The following USP40 variants were observed in gnomAD, a reference collection of about 807,000 sequenced individuals.
USP40 encodes ubiquitin specific peptidase 40.
USP40 carries 143 observed loss-of-function variants against 166.2 expected under a neutral mutation model. The ratio of observed to expected loss-of-function variants is 0.86; its 90% CI spans 0.75 to 0.99. The LOEUF is 0.99. Among genes scored for constraint, USP40 ranks in the 50% least tolerant of loss-of-function variants. The probability of loss-of-function intolerance (pLI) is 0.00; values close to 1 mark genes in which losing one functional copy is unlikely to be tolerated. For synonymous variants in USP40, 498 were observed against 524.0 expected (o/e 0.95, Z 0.68); for missense variants, 1,444 against 1,479.7 (o/e 0.98, Z 0.40).
chr2:233,477,988 C>T (rs929799303), intron 31 of USP40, among the ~76,000 whole-genome samples: 3 of 152,218 alleles, frequency 2.0e-5, no homozygotes, highest in Admixed American at 1.3e-4. Context: ...CCCATGGCAC[C>T]GTGCGGCAGG....
At chr2:233,533,447 T>G (rs922712970) in intron 11 of USP40, 32 bp downstream of exon 11, 2 of 1,584,560 alleles carry the variant, frequency 1.3e-6, no homozygotes, top group African/African-American at 2.7e-5. Flanking sequence ...AGCCATTAAC[T>G]GAAACAAATA....
At chr2:233,515,746 T>C (rs2067145524) in intron 18 of USP40, among the ~76,000 whole-genome samples, 1 of 152,218 alleles carries the variant, frequency 6.6e-6, no homozygotes, top group African/African-American at 2.4e-5. Context: ...CTATCTTTAA[T>C]ACAAAAACCT....
chr2:233,491,277 G>A lies in USP40; in HGVS notation c.2918-16C>T, dbSNP rs79509576. ...CCAGAAGCACCTTCCAAAGGACAGA[G>A]CGGGATGTTTACAAGGAACTTGAAA... On this transcript the variant is annotated splice_polypyrimidine_tract_variant and intron_variant, in intron 25 of 31. Transcript: ENST00000678225. 5.7e-4 allele frequency: 905 copies of A among 1,585,176 alleles called. 7 individuals carry two copies. The African/African-American group carries it at 0.011, about 19-fold the overall frequency.
At chr2:233,536,573 C>T (rs918164696) in intron 10 of USP40, among the ~76,000 whole-genome samples, 6 of 152,160 alleles carry the variant, frequency 3.9e-5, no homozygotes, top group African/African-American at 1.4e-4. Context: ...ACTGCTTGAG[C>T]CTGGGAGGCA....
At position 233,542,252 on chromosome 2, in the gene USP40, C is replaced by T. The variant is rs191287865; in HGVS notation, c.1062+16G>A. 1,058 of 1,426,720 alleles carry T rather than the reference C, an allele frequency of 7.4e-4. 2 individuals carry two copies. The highest frequency in any genetic ancestry group is 3.9e-3 in the Middle Eastern group (20 of 5,184). 88.4% of individuals were successfully genotyped at this position (1,426,720 alleles called of 1,614,324 possible). A position where few individuals can be genotyped will look rare whatever the true frequency, so the allele number is the denominator to read the frequency against. Reference sequence around the variant, plus strand: ...TACATACCATACATACAAATACATACACACACATACTATACCTCTAATAAG... The same window carrying T: ...TACATACCATACATACAAATACATATACACACATACTATACCTCTAATAAG... On this transcript the variant is annotated intron_variant, in intron 9 of 31. Transcript: ENST00000678225.
rs1371390919 is a variant in USP40, at chr2:233,476,792, G to GA, written c.*599dup. 6.3e-6 allele frequency: 1 copy of GA among 159,308 alleles called. No individual in the cohort carries two copies. The highest frequency in any genetic ancestry group is 1.4e-5 in the Non-Finnish European group (1 of 72,042). The allele number at this position is 159,308 out of a possible 1,614,324, so 9.9% of individuals were successfully genotyped here. ...CCACCCTGTGTGGCTCCTCCTCGTG[G>GA]AAAGAGCTCGCACTTTTCAGCATCG... On this transcript the variant is annotated 3_prime_UTR_variant, in exon 32 of 32. Transcript: ENST00000678225.
chr2:233,565,805 T>C (rs1042441690), intron 1 of USP40, among the ~76,000 whole-genome samples: 20 of 152,124 alleles, frequency 1.3e-4, no homozygotes, highest in East Asian at 1.2e-3. Context: ...ATGTGTAAAA[T>C]AGGATACCAT....
chr2:233,546,441 C>T (rs2069951793), intron 8 of USP40: 1 of 152,148 alleles, frequency 6.6e-6, no homozygotes, highest in East Asian at 1.9e-4. Context: ...ATATTGCCAG[C>T]TAGAAAAATA....
rs748585654 is a variant in USP40 at position 233,525,563 on chromosome 2, C to T, written c.1726-1G>A. Reference sequence around the variant, plus strand: ...TGTCTCCTTCCCAAAATTCTAACAGCTGAAGAATATTAATGAAGGAAAAGA... The same window carrying T: ...TGTCTCCTTCCCAAAATTCTAACAGTTGAAGAATATTAATGAAGGAAAAGA... On this transcript the variant is annotated splice_acceptor_variant, in intron 13 of 31. Transcript: ENST00000678225. LOFTEE classifies it high-confidence loss of function. 3.1e-6 allele frequency: 5 copies of T among 1,609,568 alleles called. No homozygotes were observed. In the Admixed American group the frequency reaches 6.7e-5, roughly 21 times the overall value.
intron 17 of USP40, among the ~76,000 whole-genome samples, chr2:233,519,912 A>T (rs2067537789): frequency 1.3e-5 from 2 of 152,162 alleles, no homozygotes; most frequent in South Asian, 4.1e-4. Flanking sequence ...AAGGACACCT[A>T]CAGAAAACTA....
At chr2:233,562,011 C>CAAAACAAAATGCAAATGCAAA (rs1297653111) in intron 3 of USP40, among the ~76,000 whole-genome samples, 1 of 126,350 alleles carries the variant, frequency 7.9e-6, no homozygotes, top group Non-Finnish European at 1.6e-5. Context: ...AAATCAAAAC[C>CAAAACAAAATGCAAATGCAAA]ACAATGAGAT....
intron 2 of USP40, among the ~76,000 whole-genome samples, chr2:233,564,706 T>A (rs112363297): frequency 2.3e-4 from 35 of 152,082 alleles, no homozygotes; most frequent in Non-Finnish European, 3.4e-4. Context: ...AAAGTGTTTT[T>A]TATATATATA....
chr2:233,562,871 CCAAGACCACCTTTAAGTAAAAT>C (rs1213110299), intron 2 of USP40, 68 bp from the exon 3 acceptor site: 2 of 1,214,266 alleles, frequency 1.6e-6, no homozygotes, highest in Non-Finnish European at 2.3e-6. Flanking sequence ...TTTTAGAAAG[CCAAGACCACCTTTAAGTAAAAT>C]CAAGTAGATT....
At chr2:233,523,036 A>G in intron 16 of USP40, 134 bp downstream of exon 16, 1 of 1,016,138 alleles carries the variant, frequency 9.8e-7, no homozygotes, top group Non-Finnish European at 1.4e-6. Flanking sequence ...CCTGTATGCA[A>G]TATTTAGAAC....
chr2:233,496,181 G>A (rs567815682), intron 24 of USP40, among the ~76,000 whole-genome samples: 1 of 152,144 alleles, frequency 6.6e-6, no homozygotes, highest in African/African-American at 2.4e-5. Context: ...TGGAGTTTGG[G>A]GCCATTTGTT....
chr2:233,511,177 C>T (rs971036780), intron 20 of USP40, among the ~76,000 whole-genome samples: 2 of 152,058 alleles, frequency 1.3e-5, no homozygotes, highest in African/African-American at 4.8e-5. Context: ...AAAGGTCAAA[C>T]CTGATGGTGT....
At chr2:233,499,770 T>C in intron 22 of USP40, 109 bp downstream of exon 22, 1 of 850,248 alleles carries the variant, frequency 1.2e-6, no homozygotes, top group East Asian at 2.6e-5. Context: ...CTACTTTTTA[T>C]TTCTCCACAC....
chr2:233,487,819 A>ATACTAACAC, intron 28 of USP40: 1 of 392,326 alleles, frequency 2.5e-6, no homozygotes, highest in South Asian at 2.0e-5. Flanking sequence ...TGGGAGACAG[A>ATACTAACAC]TACTAACAAA....
chr2:233,508,171 A>G (rs967418568), intron 21 of USP40, among the ~76,000 whole-genome samples: 1 of 152,212 alleles, frequency 6.6e-6, no homozygotes, highest in Non-Finnish European at 1.5e-5. Flanking sequence ...ATATTTTTAA[A>G]AACCTAAAAT....
Sources: allele counts gnomAD v4.1 joint callset (sites outside exome capture counted in the v4.1 genomes callset), GRCh38; gene constraint gnomAD v4.1.1; transcripts MANE v1.5; gene names NCBI Gene and HGNC (gene_info 2026-07-23, HGNC 2026-07-21).